The following CADM2 variants were observed in gnomAD, a reference collection of about 807,000 sequenced individuals.
The protein encoded by CADM2 is immunoglobulin superfamily member 4D.
CADM2 carries 12 observed loss-of-function variants against 49.8 expected under a neutral mutation model. That is an observed-to-expected ratio of 0.24 (90% CI 0.15 to 0.39). The LOEUF is 0.39. CADM2 is among the 10% of genes least tolerant of loss of function. The pLI is 1.00. For missense variants in CADM2, 378 were observed against 492.3 expected (o/e 0.77, Z 2.20); for synonymous variants, 214 against 175.4 (o/e 1.22, Z -1.74).
intron 1 of CADM2, among the ~76,000 whole-genome samples, chr3:85,601,234 T>A (rs2063396883): frequency 1.4e-5 from 2 of 146,324 alleles, no homozygotes; most frequent in African/African-American, 5.0e-5. Flanking sequence ...GGAATGAGAT[T>A]GTGTGATGAT....
rs566150142 is a variant in CADM2, at chr3:85,798,582, T to C, written c.89-3465T>C. 3.9e-5 allele frequency among the ~76,000 whole-genome samples: 6 copies of C among 152,346 alleles called. No individual in the cohort carries two copies. The South Asian group carries it at 1.2e-3, about 32-fold the overall frequency. The stretch of plus-strand genomic sequence containing the variant: ...TTGTCAAAGATCAGATGGTTGTAGA[T>C]GTGTGGCATTATTTCTGAGGACTCT... On this transcript the variant is annotated intron_variant, in intron 2 of 9. Coordinates refer to ENST00000383699, the MANE Select transcript of CADM2 (RefSeq NM_001167675.2).
At chr3:85,386,038 G>T (rs1032105895) in intron 1 of CADM2, among the ~76,000 whole-genome samples, 1 of 152,058 alleles carries the variant, frequency 6.6e-6, no homozygotes, top group Non-Finnish European at 1.5e-5. Flanking sequence ...CAATCATGCA[G>T]AACAAAGTGA....
At chr3:85,997,439 G>A (rs1307976373) in intron 8 of CADM2, among the ~76,000 whole-genome samples, 2 of 152,086 alleles carry the variant, frequency 1.3e-5, no homozygotes, top group Non-Finnish European at 2.9e-5. Context: ...TCTCATCACT[G>A]TTTTATTTTA....
chr3:86,057,944 ATAGT>A (rs1200706429), intron 8 of CADM2, among the ~76,000 whole-genome samples: 1 of 152,214 alleles, frequency 6.6e-6, no homozygotes, highest in Non-Finnish European at 1.5e-5. Flanking sequence ...ACTGACTTCC[ATAGT>A]TAATTTTAAA....
chr3:85,775,684 T>C (rs546783157), intron 2 of CADM2, among the ~76,000 whole-genome samples: 2 of 152,018 alleles, frequency 1.3e-5, no homozygotes, highest in South Asian at 4.1e-4. Context: ...AGTGCATTTC[T>C]GTTTTACAAG....
chr3:85,510,272 CAAAG>C (rs1433390094), intron 1 of CADM2, among the ~76,000 whole-genome samples: 1 of 151,870 alleles, frequency 6.6e-6, no homozygotes, highest in Non-Finnish European at 1.5e-5. Flanking sequence ...ACAAAAGAAA[CAAAG>C]GAAGCTACCT....
At chr3:85,303,366 C>G (rs1407981276) in intron 1 of CADM2, among the ~76,000 whole-genome samples, 1 of 151,924 alleles carries the variant, frequency 6.6e-6, no homozygotes, top group Non-Finnish European at 1.5e-5. Context: ...GCTTCTGAAT[C>G]TAAGGACAAA....
chr3:85,449,089 A>G (rs1353926314), intron 1 of CADM2, among the ~76,000 whole-genome samples: 5 of 142,062 alleles, frequency 3.5e-5, no homozygotes, highest in South Asian at 2.3e-4. Context: ...TAAAAATTAT[A>G]TAATTCATTA....
chr3:85,770,513 C>T (rs904132020), intron 2 of CADM2, among the ~76,000 whole-genome samples: 1 of 152,046 alleles, frequency 6.6e-6, no homozygotes, highest in African/African-American at 2.4e-5. Context: ...GATAAAGTGT[C>T]TCACTACGTT....
intron 1 of CADM2, among the ~76,000 whole-genome samples, chr3:85,673,552 C>T (rs1036825161): frequency 1.9e-4 from 29 of 150,284 alleles, no homozygotes; most frequent in African/African-American, 6.6e-4. Flanking sequence ...GGGGAAGTAC[C>T]TAAAAAAACA....
intron 1 of CADM2, among the ~76,000 whole-genome samples, chr3:85,573,606 G>T (rs1160352274): frequency 6.6e-6 from 1 of 152,080 alleles, no homozygotes; most frequent in Non-Finnish European, 1.5e-5. Flanking sequence ...TCTAATCCTG[G>T]TTATGATCTT....
intron 9 of CADM2, 21 bp downstream of exon 9, chr3:86,065,751 G>A: frequency 6.2e-7 from 1 of 1,610,058 alleles, no homozygotes; most frequent in South Asian, 1.1e-5. Context: ...TTTAGCCAGA[G>A]TACACAATGT....
At chr3:85,795,580 A>G (rs1303546496) in intron 2 of CADM2, among the ~76,000 whole-genome samples, 1 of 152,198 alleles carries the variant, frequency 6.6e-6, no homozygotes, top group Non-Finnish European at 1.5e-5. Context: ...AACGAGGTAT[A>G]GGTAAACTAG....
At chr3:85,516,679 C>T (rs778900608) in intron 1 of CADM2, among the ~76,000 whole-genome samples, 2 of 151,820 alleles carry the variant, frequency 1.3e-5, no homozygotes, top group Non-Finnish European at 2.9e-5. Context: ...ATGTTCTCAA[C>T]GTCACAATCC....
chr3:85,038,716 G>T (rs1381236466), intron 1 of CADM2, among the ~76,000 whole-genome samples: 1 of 152,118 alleles, frequency 6.6e-6, no homozygotes, highest in Non-Finnish European at 1.5e-5. Context: ...ATAAATGAAA[G>T]ATCTACTTAG....
intron 1 of CADM2, among the ~76,000 whole-genome samples, chr3:85,669,875 G>A (rs150305702): frequency 3.0e-4 from 46 of 151,978 alleles, no homozygotes; most frequent in East Asian, 1.9e-3. Flanking sequence ...TATTGTTGTC[G>A]TTGTCGTTAA....
chr3:85,997,735 C>G (rs1436253153), intron 8 of CADM2, among the ~76,000 whole-genome samples: 7 of 152,200 alleles, frequency 4.6e-5, no homozygotes, highest in African/African-American at 9.6e-5. Context: ...GTTTTTCATG[C>G]ATTTCTAACT....
intron 3 of CADM2, among the ~76,000 whole-genome samples, chr3:85,823,342 C>T (rs182606102): frequency 9.9e-5 from 15 of 152,240 alleles, no homozygotes; most frequent in Admixed American, 2.0e-4. Context: ...GTTTTCTTGA[C>T]GAAGGAAGCA....
intron 1 of CADM2, among the ~76,000 whole-genome samples, chr3:84,978,981 T>G (rs1369879364): frequency 6.6e-6 from 1 of 152,136 alleles, no homozygotes; most frequent in East Asian, 1.9e-4. Context: ...AAGTTCTGAT[T>G]GTGGCTGTGC....
Sources: allele counts gnomAD v4.1 joint callset (sites outside exome capture counted in the v4.1 genomes callset), GRCh38; gene constraint gnomAD v4.1.1; transcripts MANE v1.5; gene names NCBI Gene and HGNC (gene_info 2026-07-23, HGNC 2026-07-21).